The following DMXL1 variants were observed in gnomAD, a reference collection of about 807,000 sequenced individuals.
The protein encoded by DMXL1 is dmX-like protein 1.
In DMXL1, 99 loss-of-function variants were observed where a neutral mutation model predicts 319.2. The ratio of observed to expected loss-of-function variants is 0.31; its 90% CI spans 0.26 to 0.37. The LOEUF (loss-of-function observed/expected upper bound fraction) is 0.37, where lower values mean the gene tolerates loss of function less well. DMXL1 is among the 10% of genes least tolerant of loss of function. The probability of loss-of-function intolerance (pLI) is 1.00; values close to 1 mark genes in which losing one functional copy is unlikely to be tolerated. For synonymous variants in DMXL1, 1,385 were observed against 1,235.2 expected, an observed-to-expected ratio of 1.12 and a Z score of -2.54; for missense variants, 3,745 against 3,595.6, an observed-to-expected ratio of 1.04 and a Z score of -1.06.
chr5:119,132,683 A>C (rs1765192902), intron 10 of DMXL1: 5 of 441,966 alleles, frequency 1.1e-5, no homozygotes, highest in South Asian at 8.4e-5. Flanking sequence ...TCAAAAAAAA[A>C]AAAAAAATGG....
intron 29 of DMXL1, among the ~76,000 whole-genome samples, chr5:119,192,043 G>T (rs1452997417): frequency 6.6e-6 from 1 of 152,174 alleles, no homozygotes; most frequent in Non-Finnish European, 1.5e-5. Flanking sequence ...TCTCCCTGCT[G>T]TGTTTCTTTG....
At chr5:119,114,397 G>A (rs1760356645) in intron 5 of DMXL1, 78 bp from the exon 6 acceptor site, 3 of 1,037,442 alleles carry the variant, frequency 2.9e-6, no homozygotes, top group African/African-American at 3.2e-5. Flanking sequence ...ACCAATTGCT[G>A]ATTTATAATT....
intron 28 of DMXL1, among the ~76,000 whole-genome samples, chr5:119,187,144 T>A (rs557274911): frequency 6.6e-6 from 1 of 152,314 alleles, no homozygotes; most frequent in East Asian, 1.9e-4. Flanking sequence ...CAGGACATTA[T>A]TCTGTTTTTC....
chr5:119,132,537 G>A (rs922034105), intron 10 of DMXL1: 10 of 250,336 alleles, frequency 4.0e-5, no homozygotes, highest in East Asian at 1.1e-4. Flanking sequence ...AAAATTAGCC[G>A]GGCGCAGTGG....
rs769533348 is a variant in DMXL1 at position 119,170,381 on chromosome 5, G to A, written c.5590G>A (p.Ala1864Thr). The change falls in exon 24 of 44, where the codon GCT (alanine) becomes ACT (threonine). Residue 1864 changes from alanine (A) to threonine (T), a missense_variant. Ala to Thr is a moderately conservative substitution (Grantham distance 58). Transcript: ENST00000539542. ...ACGTTTATTTTTTACCACTGCCAGT[G>A]CTCATTTAAAAGCTGGCTGCCCAAT... ...ERRLFFTTASAHLKAGCPMLA... is the reference protein window; with the variant it reads ...ERRLFFTTASTHLKAGCPMLA... The A allele has an allele frequency of 1.9e-6, 3 of 1,613,904 alleles. No individual in the cohort carries two copies. Among genetic ancestry groups the A allele is most frequent in the East Asian group, 2.2e-5 (1 of 44,864 alleles).
At chr5:119,117,114 T>C (rs1331367919) in intron 7 of DMXL1, among the ~76,000 whole-genome samples, 1 of 152,142 alleles carries the variant, frequency 6.6e-6, no homozygotes, top group East Asian at 1.9e-4. Flanking sequence ...CTGCAACCTC[T>C]ACCTCCTGGG....
chr5:119,245,486 A>G (rs1413762217), intron 43 of DMXL1, among the ~76,000 whole-genome samples: 7 of 151,600 alleles, frequency 4.6e-5, no homozygotes, highest in Non-Finnish European at 1.0e-4. Flanking sequence ...GTTTGAAACT[A>G]CTTTCTTATT....
intron 42 of DMXL1, among the ~76,000 whole-genome samples, chr5:119,243,979 TGGTTAAACAGGACCAAAGC>T (rs1789267990): frequency 6.6e-6 from 1 of 152,222 alleles, no homozygotes; most frequent in South Asian, 2.1e-4. Flanking sequence ...TGGGGGACCT[TGGTTAAACAGGACCAAAGC>T]AGCATTTGGT....
At position 119,214,048 on chromosome 5, in the gene DMXL1, T is replaced by G. The variant is rs1238507611; in HGVS notation, c.7927-2853T>G. On this transcript the variant is annotated intron_variant, in intron 34 of 43. Coordinates refer to ENST00000539542, the MANE Select transcript of DMXL1 (RefSeq NM_001290321.3). ...TATCTTTCCTGTCTTTACTCTCTCC[T>G]TGGGTTATCTTACGGTTTAAATATT... Among the ~76,000 whole-genome samples, 4 of 152,172 alleles carry G rather than the reference T, an allele frequency of 2.6e-5. No homozygotes were observed. In the East Asian group the frequency reaches 7.7e-4, roughly 29 times the overall value.
chr5:119,210,757 G>GTTTTTTTTTTTTTTTTTTTTTT, intron 34 of DMXL1, among the ~76,000 whole-genome samples: 14 of 89,776 alleles, frequency 1.6e-4, no homozygotes, highest in Admixed American at 4.4e-4. Context: ...TTTTTCTTTC[G>GTTTTTTTTTTTTTTTTTTTTTT]TTTTTTTTTT....
chr5:119,084,943 A>T (rs540411631), intron 1 of DMXL1, among the ~76,000 whole-genome samples: 9 of 151,912 alleles, frequency 5.9e-5, no homozygotes, highest in Middle Eastern at 3.4e-3. Context: ...ATCCATGAGC[A>T]TGGAATATCT....
At chr5:119,117,333 C>T (rs116099874) in intron 7 of DMXL1, among the ~76,000 whole-genome samples, 1,645 of 152,240 alleles carry the variant, frequency 0.011, 31 homozygotes, top group African/African-American at 0.036. Context: ...GAGCCATGTG[C>T]GCAGCCAGAA....
intron 19 of DMXL1, among the ~76,000 whole-genome samples, chr5:119,152,941 G>A (rs1426786956): frequency 6.6e-6 from 1 of 151,316 alleles, no homozygotes; most frequent in Non-Finnish European, 1.5e-5. Flanking sequence ...TTTGAAAAAA[G>A]TAAAGTTGAA....
At chr5:119,123,680 G>C (rs1191127193) in intron 9 of DMXL1, among the ~76,000 whole-genome samples, 1 of 124,692 alleles carries the variant, frequency 8.0e-6, no homozygotes, top group Non-Finnish European at 1.7e-5. Flanking sequence ...ATTTTTTATA[G>C]GCATGGAGTC....
At chr5:119,095,296 A>G (rs973616728) in intron 1 of DMXL1, among the ~76,000 whole-genome samples, 3 of 152,252 alleles carry the variant, frequency 2.0e-5, no homozygotes, top group African/African-American at 7.2e-5. Context: ...ATTCAGAACT[A>G]GATAAGTCAT....
rs201458069 is a variant in DMXL1, at chr5:119,219,553, T to TTTAA, written c.8014-904_8014-901dup. ...CTGTTTTCTGTTTCAAAGATACACA[T>TTTAA]TTAATTAATTAATTAATTTATTTAT... On this transcript the variant is annotated intron_variant, in intron 35 of 43. Transcript: ENST00000539542. Among the ~76,000 whole-genome samples the TTTAA allele has an allele frequency of 5.1e-3, 781 of 151,710 alleles. 2 individuals are homozygous for TTTAA. Among genetic ancestry groups the TTTAA allele is most frequent in the Non-Finnish European group, 6.6e-3 (448 of 67,986 alleles).
intron 23 of DMXL1, among the ~76,000 whole-genome samples, chr5:119,168,376 A>G (rs1242538432): frequency 1.3e-5 from 2 of 152,330 alleles, no homozygotes; most frequent in East Asian, 3.9e-4. Flanking sequence ...AAGCTTTCTT[A>G]GAGGCCAGTA....
intron 6 of DMXL1, 34 bp from the exon 7 acceptor site, chr5:119,116,124 C>T: frequency 1.9e-6 from 3 of 1,560,350 alleles, no homozygotes; most frequent in Non-Finnish European, 2.6e-6. Context: ...ATTCTGATCT[C>T]CATGATTTTC....
intron 37 of DMXL1, among the ~76,000 whole-genome samples, chr5:119,222,521 A>G (rs952271334): frequency 1.3e-5 from 2 of 152,222 alleles, no homozygotes; most frequent in African/African-American, 4.8e-5. Context: ...AAAGAAGTGC[A>G]TAGGACTAAT....
Sources: gnomAD v4.1 joint callset for allele counts (sites outside exome capture counted in the v4.1 genomes callset) on GRCh38, gnomAD v4.1.1 for gene constraint, MANE v1.5 for transcripts, NCBI Gene and HGNC (gene_info 2026-07-23, HGNC 2026-07-21) for gene names.